The following MAP2K6 variants were observed in gnomAD, a reference collection of about 807,000 sequenced individuals.
The protein encoded by MAP2K6 is mitogen-activated protein kinase kinase 6, also known as dual specificity mitogen-activated protein kinase kinase 6.
In MAP2K6, 16 loss-of-function variants were observed where a neutral mutation model predicts 53.7. That is an observed-to-expected ratio of 0.30 (90% CI 0.20 to 0.45). The LOEUF (loss-of-function observed/expected upper bound fraction) is 0.45. MAP2K6 is among the 20% of genes least tolerant of loss of function. The probability of loss-of-function intolerance (pLI) is 1.00; values close to 1 mark genes in which losing one functional copy is unlikely to be tolerated. For missense variants in MAP2K6, 204 were observed against 411.9 expected, an observed-to-expected ratio of 0.50 and a Z score of 4.37; for synonymous variants, 132 against 143.1, an observed-to-expected ratio of 0.92 and a Z score of 0.55.
intron 1 of MAP2K6, among the ~76,000 whole-genome samples, chr17:69,421,149 A>C (rs1291171077): frequency 6.6e-6 from 1 of 152,234 alleles, no homozygotes; most frequent in Non-Finnish European, 1.5e-5. Flanking sequence ...ATCAGTAGGG[A>C]TAAGCTCTCA....
rs1005712058 is a variant in MAP2K6 at position 69,499,388 on chromosome 17, C to T, written c.17-6392C>T. ...GCTTCTTCACACACACTGTGTCAAT[C>T]GAGTCTCTTAATGACCTGCGGAGAT... On this transcript the variant is annotated intron_variant, in intron 1 of 11. Transcript: ENST00000590474. Among the ~76,000 whole-genome samples, 5 of 152,176 alleles carry T rather than the reference C, an allele frequency of 3.3e-5. No homozygotes were observed. In the South Asian group the frequency reaches 6.2e-4, roughly 19 times the overall value.
At chr17:69,443,469 T>C (rs1906881581) in intron 1 of MAP2K6, among the ~76,000 whole-genome samples, 2 of 152,250 alleles carry the variant, frequency 1.3e-5, no homozygotes, top group Admixed American at 6.5e-5. Flanking sequence ...CTCTGAATCC[T>C]ATACACTTTG....
At chr17:69,447,339 T>C (rs972529476) in intron 1 of MAP2K6, among the ~76,000 whole-genome samples, 1 of 152,032 alleles carries the variant, frequency 6.6e-6, no homozygotes, top group African/African-American at 2.4e-5. Flanking sequence ...GAATTGGATT[T>C]TTTTAATGTC....
rs1267632320 is a variant in MAP2K6 at position 69,414,743 on chromosome 17, A to C, written c.-242A>C. ...AGCTGCCAGCCCTGGCCCATCATGTAGCTGCAGCACAGCCTTCCCTAACGT... is the reference window on the plus strand; with the variant it reads ...AGCTGCCAGCCCTGGCCCATCATGTCGCTGCAGCACAGCCTTCCCTAACGT... On this transcript the variant is annotated 5_prime_UTR_variant, in exon 1 of 12. The change abolishes the stop of an existing upstream ORF in the 5' untranslated region. Transcript: ENST00000590474. The C allele has an allele frequency of 2.0e-6, 1 of 488,496 alleles. No individual in the cohort carries two copies. Among genetic ancestry groups the C allele is most frequent in the Admixed American group, 3.7e-5 (1 of 26,764 alleles). The allele number at this position is 488,496 out of a possible 1,614,324, so 30.3% of individuals were successfully genotyped here.
At position 69,542,151 on chromosome 17, in the gene MAP2K6, T is replaced by C. The variant is rs1437417912; in HGVS notation, c.*398T>C. The C allele has an allele frequency of 6.5e-6, 1 of 152,824 alleles. No homozygotes were observed. Among genetic ancestry groups the C allele is most frequent in the Non-Finnish European group, 1.5e-5 (1 of 68,190 alleles). 9.5% of individuals were successfully genotyped at this position (152,824 alleles called of 1,614,324 possible). A position where few individuals can be genotyped will look rare whatever the true frequency, so the allele number is the denominator to read the frequency against. Reference sequence around the variant, plus strand: ...CCCATTTATTATTTTAATATTTATGTTTAAGTGCTTGGTTGAAAAGATTCC... The same window carrying C: ...CCCATTTATTATTTTAATATTTATGCTTAAGTGCTTGGTTGAAAAGATTCC... On this transcript the variant is annotated 3_prime_UTR_variant, in exon 12 of 12. Coordinates refer to ENST00000590474, the MANE Select transcript of MAP2K6 (RefSeq NM_002758.4).
rs34112033 is a variant in MAP2K6, at chr17:69,546,020, CAA to C, written c.*4284_*4285del. The C allele has an allele frequency of 0.21, 27,317 of 129,878 alleles. 2,803 individuals carry two copies. The highest frequency in any genetic ancestry group is 0.3 in the East Asian group (1,400 of 4,616). 8.0% of individuals were successfully genotyped at this position (129,878 alleles called of 1,614,324 possible). A position where few individuals can be genotyped will look rare whatever the true frequency, so the allele number is the denominator to read the frequency against. The stretch of plus-strand genomic sequence containing the variant: ...GGGCAACAAGAGCAAAACTTCATCT[CAA>C]AAAAAAAAAAAAAAAATGTACAACA... On this transcript the variant is annotated 3_prime_UTR_variant, in exon 12 of 12. Coordinates refer to ENST00000590474, the MANE Select transcript of MAP2K6 (RefSeq NM_002758.4).
rs187327765 is a variant in MAP2K6, at chr17:69,476,089, A to G, written c.17-29691A>G. 2.4e-3 allele frequency among the ~76,000 whole-genome samples: 368 copies of G among 152,244 alleles called. 2 individuals carry two copies. The highest frequency in any genetic ancestry group is 8.6e-3 in the African/African-American group (358 of 41,548). On this transcript the variant is annotated intron_variant, in intron 1 of 11. Coordinates refer to ENST00000590474, the MANE Select transcript of MAP2K6 (RefSeq NM_002758.4). ...CATATTGGTGTGAATTGAATTTATG[A>G]TTTCTAAAATATGCAAGTGAATGCA... is the stretch of plus-strand genomic sequence containing the variant.
In MAP2K6 at chr17:69,552,418, T is replaced by A. The variant is rs1912138361; in HGVS notation, c.*10665T>A. 6.6e-6 allele frequency: 1 copy of A among 152,284 alleles called. No individual in the cohort carries two copies. Among genetic ancestry groups the A allele is most frequent in the South Asian group, 2.1e-4 (1 of 4,836 alleles). The allele number at this position is 152,284 out of a possible 1,614,324, so 9.4% of individuals were successfully genotyped here. The stretch of plus-strand genomic sequence containing the variant: ...CCCTCATTGAGGCTCCCATCTTTCC[T>A]GCCAGGTGCAGCTTTTTCTGGTTGG... On this transcript the variant is annotated 3_prime_UTR_variant, in exon 12 of 12. Coordinates refer to ENST00000590474, the MANE Select transcript of MAP2K6 (RefSeq NM_002758.4).
At chr17:69,434,906 A>G (rs1176933246) in intron 1 of MAP2K6, 1 of 152,166 alleles carries the variant, frequency 6.6e-6, no homozygotes, top group Non-Finnish European at 1.5e-5. Context: ...AGAATTACCT[A>G]ATTTGATTAA....
chr17:69,489,239 A>AG (rs752065730), intron 1 of MAP2K6, among the ~76,000 whole-genome samples: 1,525 of 150,318 alleles, frequency 0.01, 33 homozygotes, highest in African/African-American at 0.035. Context: ...AAAAAAAAAA[A>AG]GGAAAAAAGG....
chr17:69,470,827 T>C (rs1402837481), intron 1 of MAP2K6, among the ~76,000 whole-genome samples: 1 of 152,192 alleles, frequency 6.6e-6, no homozygotes, highest in Non-Finnish European at 1.5e-5. Flanking sequence ...CTTTTGATGG[T>C]GTGTTTGCTT....
intron 1 of MAP2K6, among the ~76,000 whole-genome samples, chr17:69,426,145 G>T (rs558620083): frequency 1.1e-4 from 16 of 152,274 alleles, no homozygotes; most frequent in Admixed American, 6.5e-4. Context: ...CTGTGTAGCT[G>T]GGATTACAGC....
At chr17:69,459,009 T>C (rs1907520143) in intron 1 of MAP2K6, among the ~76,000 whole-genome samples, 1 of 152,228 alleles carries the variant, frequency 6.6e-6, no homozygotes, top group Non-Finnish European at 1.5e-5. Context: ...CCTCCTTTGC[T>C]GGTGTGCAAA....
At chr17:69,449,706 G>C (rs1907143354) in intron 1 of MAP2K6, among the ~76,000 whole-genome samples, 2 of 135,294 alleles carry the variant, frequency 1.5e-5, no homozygotes, top group South Asian at 4.8e-4. Flanking sequence ...TCCGCCCCCT[G>C]GGGTTCACGC....
chr17:69,426,298 C>T (rs1010466859), intron 1 of MAP2K6, among the ~76,000 whole-genome samples: 5 of 152,212 alleles, frequency 3.3e-5, no homozygotes, highest in Non-Finnish European at 7.3e-5. Flanking sequence ...ATCTACTTAA[C>T]CTCTAGCTTC....
chr17:69,538,590 G>C (rs1911469574), intron 11 of MAP2K6, among the ~76,000 whole-genome samples: 1 of 152,158 alleles, frequency 6.6e-6, no homozygotes, highest in African/African-American at 2.4e-5. Flanking sequence ...TTTAGGAGTT[G>C]GTGAGGAAGT....
intron 1 of MAP2K6, among the ~76,000 whole-genome samples, chr17:69,478,893 A>T (rs1908252873): frequency 6.6e-6 from 1 of 152,120 alleles, no homozygotes; most frequent in Non-Finnish European, 1.5e-5. Context: ...CTTGGGTAAG[A>T]CATTTGCCTG....
At chr17:69,462,596 A>G (rs1272855429) in intron 1 of MAP2K6, among the ~76,000 whole-genome samples, 1 of 151,872 alleles carries the variant, frequency 6.6e-6, no homozygotes, top group Non-Finnish European at 1.5e-5. Context: ...GGCCATGGAT[A>G]TTTTTGCCCT....
chr17:69,452,324 C>T (rs1907258529), intron 1 of MAP2K6, among the ~76,000 whole-genome samples: 1 of 151,832 alleles, frequency 6.6e-6, no homozygotes, highest in South Asian at 2.1e-4. Context: ...ACATTCTGCC[C>T]TAATGATATT....
Sources: allele counts gnomAD v4.1 joint callset (sites outside exome capture counted in the v4.1 genomes callset), GRCh38; gene constraint gnomAD v4.1.1; transcripts MANE v1.5; gene names NCBI Gene and HGNC (gene_info 2026-07-23, HGNC 2026-07-21).